MTFR1: variants seen among roughly 807,000 people sequenced by gnomAD.
MTFR1 encodes the protein chondrocyte protein with a poly-proline region.
A neutral mutation model predicts 38.8 loss-of-function variants in MTFR1; 28 were observed. That is an observed-to-expected ratio of 0.72 (90% CI 0.53 to 0.99). MTFR1 has a LOEUF of 0.99. Among genes scored for constraint, MTFR1 ranks in the 50% least tolerant of loss-of-function variants. MTFR1 has a pLI of 0.00. For synonymous variants in MTFR1, 145 were observed against 137.0 expected (o/e 1.06, Z -0.41); for missense variants, 358 against 395.5 (o/e 0.91, Z 0.81).
At chr8:65,736,507 C>T (rs905359913) in intron 3 of MTFR1, among the ~76,000 whole-genome samples, 1 of 152,158 alleles carries the variant, frequency 6.6e-6, no homozygotes, top group African/African-American at 2.4e-5. Flanking sequence ...AATTCCAGCA[C>T]TTTGGGAGGC....
chr8:65,663,170 A>G (rs1358029315), intron 1 of MTFR1, among the ~76,000 whole-genome samples: 2 of 152,208 alleles, frequency 1.3e-5, no homozygotes, highest in African/African-American at 2.4e-5. Context: ...GAGACTTTTC[A>G]TTTTGTTCTA....
intron 1 of MTFR1, among the ~76,000 whole-genome samples, chr8:65,660,593 A>G (rs1379099188): frequency 2.0e-5 from 3 of 152,166 alleles, no homozygotes; most frequent in South Asian, 2.1e-4. Flanking sequence ...ATTTAACACT[A>G]TTAGCTCTGT....
intron 2 of MTFR1, chr8:65,718,365 G>A (rs1477289378): frequency 1.3e-5 from 2 of 152,200 alleles, no homozygotes; most frequent in Admixed American, 6.6e-5. Flanking sequence ...CCCTTGATCT[G>A]AAGGACACAC....
intron 3 of MTFR1, among the ~76,000 whole-genome samples, chr8:65,760,595 A>G (rs1808440819): frequency 6.6e-6 from 1 of 152,216 alleles, no homozygotes; most frequent in South Asian, 2.1e-4. Flanking sequence ...AATATGATCT[A>G]AGAAAAGGGA....
intron 2 of MTFR1, chr8:65,681,896 C>T (rs2129053473): frequency 6.5e-6 from 1 of 152,720 alleles, no homozygotes; most frequent in African/African-American, 2.4e-5. Context: ...GCATGGTACA[C>T]ATTCAGATTC....
intron 3 of MTFR1, among the ~76,000 whole-genome samples, chr8:65,734,133 T>C (rs1006521844): frequency 2.6e-5 from 4 of 152,142 alleles, no homozygotes; most frequent in Non-Finnish European, 5.9e-5. Context: ...AAAATGGTGC[T>C]CACTGTCTCT....
At chr8:65,662,082 C>G (rs1249068410) in intron 1 of MTFR1, among the ~76,000 whole-genome samples, 3 of 82,170 alleles carry the variant, frequency 3.7e-5, no homozygotes, top group Non-Finnish European at 2.7e-5. Context: ...TTTCCACAGT[C>G]TCCCTCTCCC....
intron 1 of MTFR1, among the ~76,000 whole-genome samples, chr8:65,652,209 C>G (rs578060230): frequency 6.6e-6 from 1 of 152,070 alleles, no homozygotes; most frequent in African/African-American, 2.4e-5. Flanking sequence ...CAGGTTCAAG[C>G]AACTCTCGTA....
chr8:65,669,721 T>C, intron 1 of MTFR1, 152 bp from the exon 2 acceptor site: 1 of 454,210 alleles, frequency 2.2e-6, no homozygotes, highest in Non-Finnish European at 3.8e-6. Context: ...CCGGCTAATT[T>C]TGTATTTTTA....
chr8:65,740,459 G>A (rs1807365797), intron 3 of MTFR1, among the ~76,000 whole-genome samples: 1 of 152,024 alleles, frequency 6.6e-6, no homozygotes, highest in Admixed American at 6.6e-5. Context: ...GGAGTACAAT[G>A]GTGCGATCTT....
At chr8:65,729,473 G>A (rs1806749618) in intron 3 of MTFR1, among the ~76,000 whole-genome samples, 1 of 151,348 alleles carries the variant, frequency 6.6e-6, no homozygotes, top group South Asian at 2.1e-4. Context: ...GTAAAGAGGA[G>A]GTGGCACTAT....
intron 2 of MTFR1, among the ~76,000 whole-genome samples, chr8:65,672,892 A>C (rs990464302): frequency 2.0e-5 from 3 of 152,192 alleles, no homozygotes; most frequent in Non-Finnish European, 2.9e-5. Flanking sequence ...GCTTTGGCTT[A>C]AGGGAATGTT....
At chr8:65,762,994 T>C (rs1450020204) in intron 3 of MTFR1, among the ~76,000 whole-genome samples, 1 of 21,076 alleles carries the variant, frequency 4.7e-5, no homozygotes, top group Admixed American at 4.0e-4. Flanking sequence ...AAAAACAATG[T>C]GTGTGTGTGT....
chr8:65,733,249 C>G (rs1396296329), intron 3 of MTFR1, among the ~76,000 whole-genome samples: 1 of 152,144 alleles, frequency 6.6e-6, no homozygotes, highest in Non-Finnish European at 1.5e-5. Flanking sequence ...TGGCATCACC[C>G]AGATTTCCCT....
At chr8:65,680,443 A>G (rs1804845542) in intron 2 of MTFR1, among the ~76,000 whole-genome samples, 1 of 152,058 alleles carries the variant, frequency 6.6e-6, no homozygotes. Context: ...GAGATTACAG[A>G]TGTTAGCTAC....
At chr8:65,661,748 G>A (rs996702566) in intron 1 of MTFR1, among the ~76,000 whole-genome samples, 4 of 151,876 alleles carry the variant, frequency 2.6e-5, no homozygotes, top group Admixed American at 6.6e-5. Flanking sequence ...AGGATCACTT[G>A]AGGTCAGGAG....
At chr8:65,769,074 C>G (rs1808942740) in intron 3 of MTFR1, among the ~76,000 whole-genome samples, 1 of 151,706 alleles carries the variant, frequency 6.6e-6, no homozygotes, top group Admixed American at 6.6e-5. Context: ...ATGGTGAAAC[C>G]CCGTCTCTAC....
intron 3 of MTFR1, chr8:65,724,471 TCTC>T (rs1411923938): frequency 3.2e-6 from 2 of 625,360 alleles, no homozygotes; most frequent in African/African-American, 3.7e-5. Context: ...GAAATATAAT[TCTC>T]CTATTTTTAG....
At chr8:65,747,592 A>AT in intron 3 of MTFR1, 1 of 1,020,378 alleles carries the variant, frequency 9.8e-7, no homozygotes, top group Non-Finnish European at 1.5e-6. Flanking sequence ...TGTATGGGGA[A>AT]TAAAGGCCTT....
Sources: allele counts gnomAD v4.1 joint callset (sites outside exome capture counted in the v4.1 genomes callset), GRCh38; gene constraint gnomAD v4.1.1; transcripts MANE v1.5; gene names NCBI Gene and HGNC (gene_info 2026-07-23, HGNC 2026-07-21).